HCN1: variants seen among roughly 807,000 people sequenced by gnomAD.
HCN1 encodes potassium/sodium hyperpolarization-activated cyclic nucleotide-gated channel 1.
HCN1 carries 13 observed loss-of-function variants against 78.9 expected under a neutral mutation model. The observed-to-expected ratio is 0.16, with a 90% CI of 0.11 to 0.26. The LOEUF (loss-of-function observed/expected upper bound fraction) is 0.26. HCN1 is among the 10% of genes least tolerant of loss of function. HCN1 has a pLI of 1.00. For synonymous variants in HCN1, 552 were observed against 455.5 expected, an observed-to-expected ratio of 1.21 and a Z score of -2.70; for missense variants, 810 against 1,154.3, an observed-to-expected ratio of 0.70 and a Z score of 4.32.
chr5:45,359,500 G>A (rs374399019), intron 4 of HCN1, among the ~76,000 whole-genome samples: 11 of 151,334 alleles, frequency 7.3e-5, no homozygotes, highest in African/African-American at 2.4e-4. Context: ...CTTACCTGTG[G>A]GGTATCTATG....
At chr5:45,518,134 A>G (rs915229850) in intron 2 of HCN1, among the ~76,000 whole-genome samples, 1 of 152,084 alleles carries the variant, frequency 6.6e-6, no homozygotes, top group Non-Finnish European at 1.5e-5. Flanking sequence ...GATAGACTGA[A>G]ACAACTTTAT....
intron 2 of HCN1, among the ~76,000 whole-genome samples, chr5:45,468,437 A>C (rs1306334819): frequency 5.3e-5 from 8 of 152,026 alleles, no homozygotes. Context: ...AAAGAAAGCA[A>C]TTTTAGACAT....
intron 2 of HCN1, among the ~76,000 whole-genome samples, chr5:45,545,338 T>C (rs955051690): frequency 6.6e-6 from 1 of 152,214 alleles, no homozygotes; most frequent in Non-Finnish European, 1.5e-5. Flanking sequence ...TTGTAGATTC[T>C]GGATATTAGC....
At chr5:45,340,870 C>T (rs1315772693) in intron 5 of HCN1, among the ~76,000 whole-genome samples, 1 of 152,096 alleles carries the variant, frequency 6.6e-6, no homozygotes, top group Non-Finnish European at 1.5e-5. Flanking sequence ...AAAATTGAAG[C>T]AGGAGCAAAC....
At chr5:45,450,810 T>C (rs1740900821) in intron 3 of HCN1, among the ~76,000 whole-genome samples, 1 of 152,130 alleles carries the variant, frequency 6.6e-6, no homozygotes, top group Admixed American at 6.5e-5. Flanking sequence ...AAACAACACA[T>C]GGTTATGATA....
At chr5:45,374,092 G>GTATATAATTTATATTATATACATAATA (rs1747524781) in intron 4 of HCN1, among the ~76,000 whole-genome samples, 1 of 34,472 alleles carries the variant, frequency 2.9e-5, no homozygotes, top group Non-Finnish European at 5.7e-5. Flanking sequence ...TTACATATAT[G>GTATATAATTTATATTATATACATAATA]TATATAATAT....
At chr5:45,388,640 A>C (rs1271842308) in intron 4 of HCN1, among the ~76,000 whole-genome samples, 1 of 152,130 alleles carries the variant, frequency 6.6e-6, no homozygotes, top group Non-Finnish European at 1.5e-5. Flanking sequence ...AGGCACACTA[A>C]AGTTTGGAAA....
At chr5:45,646,781 A>C (rs1745558028) in intron 1 of HCN1, among the ~76,000 whole-genome samples, 1 of 152,144 alleles carries the variant, frequency 6.6e-6, no homozygotes, top group African/African-American at 2.4e-5. Flanking sequence ...GTTACAGTAT[A>C]TACTTGCAAA....
At chr5:45,638,400 T>C (rs1332276259) in intron 2 of HCN1, among the ~76,000 whole-genome samples, 1 of 152,142 alleles carries the variant, frequency 6.6e-6, no homozygotes, top group Non-Finnish European at 1.5e-5. Context: ...TTGGGCTAAT[T>C]AAGAAGGCTG....
chr5:45,658,637 C>T (rs1745843155), intron 1 of HCN1, among the ~76,000 whole-genome samples: 1 of 151,544 alleles, frequency 6.6e-6, no homozygotes. Context: ...CATTGCCTCA[C>T]CTGGGAAGCG....
chr5:45,375,420 TTA>T lies in HCN1; in HGVS notation c.1230+21070_1230+21071del, dbSNP rs531230397. Among the ~76,000 whole-genome samples the T allele has an allele frequency of 8.8e-3, 1,044 of 119,120 alleles. 18 individuals carry two copies. Among genetic ancestry groups the T allele is most frequent in the African/African-American group, 0.034 (997 of 29,358 alleles). 78.1% of individuals were successfully genotyped at this position (119,120 alleles called of 152,430 possible). Reference sequence around the variant, plus strand: ...TACATATTATATATAAGATCATATTTTATGATACATATTATATATAAGATCAT... The same window carrying T: ...TACATATTATATATAAGATCATATTTTGATACATATTATATATAAGATCAT... On this transcript the variant is annotated intron_variant, in intron 4 of 7. Coordinates refer to ENST00000303230, the MANE Select transcript of HCN1 (RefSeq NM_021072.4).
chr5:45,465,915 A>T (rs1741261830), intron 2 of HCN1, among the ~76,000 whole-genome samples: 1 of 152,182 alleles, frequency 6.6e-6, no homozygotes, highest in African/African-American at 2.4e-5. Flanking sequence ...ACAAATTCTC[A>T]TTGAACTTTT....
intron 2 of HCN1, among the ~76,000 whole-genome samples, chr5:45,631,757 A>C (rs1745272841): frequency 1.3e-5 from 2 of 152,158 alleles, no homozygotes; most frequent in African/African-American, 4.8e-5. Flanking sequence ...AGCTATGAGG[A>C]AACTATTTTG....
rs1386880736 is a variant in HCN1, at chr5:45,660,830, C to T, written c.426-15222G>A. Reference sequence around the variant, plus strand: ...AAGTCCTGAGTGACATACAAAGAGACTTAGACTCCCACACATTAATAATGG... The same window carrying T: ...AAGTCCTGAGTGACATACAAAGAGATTTAGACTCCCACACATTAATAATGG... On this transcript the variant is annotated intron_variant, in intron 1 of 7. Transcript: ENST00000303230. 3.4e-4 allele frequency among the ~76,000 whole-genome samples: 45 copies of T among 133,034 alleles called. 1 individual carries two copies. The highest frequency in any genetic ancestry group is 9.5e-5 in the Non-Finnish European group (6 of 62,942). 87.3% of individuals were successfully genotyped at this position (133,034 alleles called of 152,430 possible).
At chr5:45,481,699 C>G (rs1378676274) in intron 2 of HCN1, among the ~76,000 whole-genome samples, 1 of 152,130 alleles carries the variant, frequency 6.6e-6, no homozygotes, top group African/African-American at 2.4e-5. Context: ...CTGGGACAGA[C>G]TGGCTTTCCT....
At chr5:45,371,297 G>T (rs1747351652) in intron 4 of HCN1, among the ~76,000 whole-genome samples, 1 of 151,922 alleles carries the variant, frequency 6.6e-6, no homozygotes, top group Non-Finnish European at 1.5e-5. Context: ...GAAGAAAACT[G>T]AAATAGTAAA....
chr5:45,695,058 G>A (rs980989141), intron 1 of HCN1: 1 of 152,622 alleles, frequency 6.6e-6, no homozygotes, highest in Non-Finnish European at 1.5e-5. Flanking sequence ...GAGACCTCAC[G>A]TCAGGGACTA....
intron 2 of HCN1, among the ~76,000 whole-genome samples, chr5:45,523,730 C>T (rs1267647875): frequency 6.6e-6 from 1 of 151,942 alleles, no homozygotes; most frequent in Non-Finnish European, 1.5e-5. Context: ...TTGTAAATTT[C>T]TTTGAGTTCA....
chr5:45,646,962 T>C (rs370682210), intron 1 of HCN1, among the ~76,000 whole-genome samples: 1 of 152,310 alleles, frequency 6.6e-6, no homozygotes, highest in South Asian at 2.1e-4. Flanking sequence ...TACTCCTACT[T>C]AGACTATTTG....
Sources: allele counts gnomAD v4.1 joint callset (sites outside exome capture counted in the v4.1 genomes callset), GRCh38; gene constraint gnomAD v4.1.1; transcripts MANE v1.5; gene names NCBI Gene and HGNC (gene_info 2026-07-23, HGNC 2026-07-21).